Variants in ERC2 observed in about 807,000 individuals in gnomAD.
ERC2 encodes the protein ELKS/RAB6-interacting/CAST family member 2.
A neutral mutation model predicts 114.8 loss-of-function variants in ERC2; 42 were observed. The ratio of observed to expected loss-of-function variants is 0.37; its 90% CI spans 0.29 to 0.47. The LOEUF is 0.47. Ranked by LOEUF, ERC2 falls within the 20% of genes least tolerant of loss-of-function variation. The pLI, the probability that ERC2 is intolerant of heterozygous loss-of-function variation, is 0.99. For missense variants in ERC2, 939 were observed against 1,150.7 expected, an observed-to-expected ratio of 0.82 and a Z score of 2.66; for synonymous variants, 454 against 425.5, an observed-to-expected ratio of 1.07 and a Z score of -0.82.
At chr3:56,077,551 C>A (rs1167424618) in intron 7 of ERC2, among the ~76,000 whole-genome samples, 1 of 152,158 alleles carries the variant, frequency 6.6e-6, no homozygotes, top group Admixed American at 6.5e-5. Context: ...CAAAAGTGGT[C>A]ATTTGTCACT....
intron 17 of ERC2, among the ~76,000 whole-genome samples, chr3:55,616,918 A>G (rs1420196420): frequency 1.3e-5 from 2 of 152,292 alleles, no homozygotes; most frequent in East Asian, 3.9e-4. Context: ...AGGTGAAGTG[A>G]TGAGCCATTT....
intron 5 of ERC2, among the ~76,000 whole-genome samples, chr3:56,143,513 G>A (rs2080979810): frequency 6.6e-6 from 1 of 152,150 alleles, no homozygotes; most frequent in Non-Finnish European, 1.5e-5. Context: ...ATAAAGGGCA[G>A]TTCCCCTGCA....
At chr3:56,250,620 A>G (rs1192255078) in intron 3 of ERC2, among the ~76,000 whole-genome samples, 1 of 152,196 alleles carries the variant, frequency 6.6e-6, no homozygotes, top group Non-Finnish European at 1.5e-5. Flanking sequence ...ACGCACACAT[A>G]TTCAGGTAAT....
rs149366766 is a variant in ERC2 at position 55,920,822 on chromosome 3, C to A, written c.2403+29603G>T. On this transcript the variant is annotated intron_variant, in intron 13 of 17. Coordinates refer to ENST00000288221, the MANE Select transcript of ERC2 (RefSeq NM_015576.3). ...CATTCATTGGATGCTCAGTATTTGTCAGTCACTTTTCCAAATTCCTATCTT... is the reference window on the plus strand; with the variant it reads ...CATTCATTGGATGCTCAGTATTTGTAAGTCACTTTTCCAAATTCCTATCTT... Among the ~76,000 whole-genome samples, 397 of 152,206 alleles carry A rather than the reference C, an allele frequency of 2.6e-3. 2 individuals carry two copies. The highest frequency in any genetic ancestry group is 9.2e-3 in the African/African-American group (382 of 41,544).
intron 3 of ERC2, among the ~76,000 whole-genome samples, chr3:56,260,503 A>C (rs1213526677): frequency 6.6e-6 from 1 of 152,214 alleles, no homozygotes; most frequent in African/African-American, 2.4e-5. Context: ...CTGCAAGCTC[A>C]AGCAGCCCTT....
At chr3:56,159,095 C>G (rs1482016491) in intron 4 of ERC2, among the ~76,000 whole-genome samples, 1 of 152,176 alleles carries the variant, frequency 6.6e-6, no homozygotes, top group South Asian at 2.1e-4. Flanking sequence ...CACCCCCCCA[C>G]CCCACCTGTT....
At chr3:56,125,087 A>G (rs541982189) in intron 6 of ERC2, among the ~76,000 whole-genome samples, 1 of 152,312 alleles carries the variant, frequency 6.6e-6, no homozygotes, top group African/African-American at 2.4e-5. Flanking sequence ...GATAAACTCA[A>G]TTTACAAAAC....
chr3:56,153,413 C>T (rs1394735747), intron 4 of ERC2, among the ~76,000 whole-genome samples: 2 of 152,278 alleles, frequency 1.3e-5, no homozygotes, highest in African/African-American at 2.4e-5. Context: ...TTCACAAGAT[C>T]CTCGGGTGAT....
intron 15 of ERC2, among the ~76,000 whole-genome samples, chr3:55,731,051 C>T (rs1368914095): frequency 6.6e-6 from 1 of 152,214 alleles, no homozygotes; most frequent in African/African-American, 2.4e-5. Flanking sequence ...TGCCCTCCTT[C>T]ACTGATATCT....
chr3:56,278,303 A>T (rs1560509622), intron 3 of ERC2, among the ~76,000 whole-genome samples: 1 of 152,220 alleles, frequency 6.6e-6, no homozygotes, highest in Non-Finnish European at 1.5e-5. Context: ...TTCTTTCAGG[A>T]ATGCATGACC....
chr3:56,143,155 C>G (rs1426297275), intron 5 of ERC2, among the ~76,000 whole-genome samples: 1 of 152,176 alleles, frequency 6.6e-6, no homozygotes, highest in Non-Finnish European at 1.5e-5. Flanking sequence ...TGCCTCTGCA[C>G]TAGCAGTATA....
At chr3:55,669,503 A>G (rs1371847526) in intron 17 of ERC2, among the ~76,000 whole-genome samples, 1 of 152,202 alleles carries the variant, frequency 6.6e-6, no homozygotes, top group Non-Finnish European at 1.5e-5. Flanking sequence ...GGAAAAGACA[A>G]CTTTCACATT....
intron 6 of ERC2, among the ~76,000 whole-genome samples, chr3:56,120,996 A>G (rs1042944465): frequency 6.6e-6 from 1 of 152,232 alleles, no homozygotes; most frequent in Non-Finnish European, 1.5e-5. Flanking sequence ...AGGAAAACAA[A>G]AATGACCCCA....
chr3:56,205,100 C>G (rs1328731208), intron 3 of ERC2, among the ~76,000 whole-genome samples: 1 of 152,124 alleles, frequency 6.6e-6, no homozygotes, highest in Non-Finnish European at 1.5e-5. Flanking sequence ...CATGTAGAAT[C>G]TCAACTTCTT....
At chr3:55,645,480 T>C (rs1216465320) in intron 17 of ERC2, among the ~76,000 whole-genome samples, 1 of 152,250 alleles carries the variant, frequency 6.6e-6, no homozygotes, top group Non-Finnish European at 1.5e-5. Flanking sequence ...TAACAAGTTA[T>C]CTTCTTTTGT....
intron 7 of ERC2, among the ~76,000 whole-genome samples, chr3:56,026,244 T>G (rs1314692741): frequency 6.6e-6 from 1 of 151,998 alleles, no homozygotes; most frequent in Non-Finnish European, 1.5e-5. Context: ...GAGATGGGGT[T>G]TCACCATGTT....
At chr3:56,093,614 C>T (rs983507441) in intron 6 of ERC2, among the ~76,000 whole-genome samples, 3 of 152,104 alleles carry the variant, frequency 2.0e-5, no homozygotes, top group Non-Finnish European at 4.4e-5. Context: ...AAACACTATC[C>T]TTCTCCATAT....
At chr3:56,273,543 T>C (rs1027708363) in intron 3 of ERC2, among the ~76,000 whole-genome samples, 1 of 152,082 alleles carries the variant, frequency 6.6e-6, no homozygotes, top group African/African-American at 2.4e-5. Flanking sequence ...CCACACCCGG[T>C]CAAGGACACC....
intron 17 of ERC2, chr3:55,612,661 G>A (rs1373074794): frequency 6.6e-6 from 1 of 152,106 alleles, no homozygotes; most frequent in Non-Finnish European, 1.5e-5. Context: ...GCAACAGTTG[G>A]CATAAAGCAA....
Sources: allele counts gnomAD v4.1 joint callset (sites outside exome capture counted in the v4.1 genomes callset), GRCh38; gene constraint gnomAD v4.1.1; transcripts MANE v1.5; gene names NCBI Gene and HGNC (gene_info 2026-07-23, HGNC 2026-07-21).